The following SEC14L5 variants were observed in gnomAD, a reference collection of about 807,000 sequenced individuals.
SEC14L5 encodes the protein SEC14 like lipid binding 5, also known as SEC14-like protein 5.
In SEC14L5, 96 loss-of-function variants were observed where a neutral mutation model predicts 84.6. That is an observed-to-expected ratio of 1.13 (90% CI 0.96 to 1.34). The LOEUF (loss-of-function observed/expected upper bound fraction) is 1.34. SEC14L5 is among the 40% of genes most tolerant of loss of function. The pLI is 0.00. For missense variants in SEC14L5, 1,224 were observed against 942.5 expected, an observed-to-expected ratio of 1.30 and a Z score of -3.91; for synonymous variants, 546 against 383.4, an observed-to-expected ratio of 1.42 and a Z score of -4.95.
chr16:5,013,549 GCTTTTTTTTTTTT>G (rs899768661), intron 15 of SEC14L5, among the ~76,000 whole-genome samples: 2 of 86,682 alleles, frequency 2.3e-5, no homozygotes, highest in African/African-American at 8.1e-5. Flanking sequence ...AGCTTGCCTG[GCTTTTTTTTTTTT>G]TTTTTTTTTT....
chr16:4,959,782 G>A (rs1258859981), intron 2 of SEC14L5, among the ~76,000 whole-genome samples: 1 of 152,158 alleles, frequency 6.6e-6, no homozygotes, highest in Middle Eastern at 3.2e-3. Context: ...AACAGATGAT[G>A]TTTCTTCCAA....
chr16:4,992,391 C>T, intron 6 of SEC14L5, among the ~76,000 whole-genome samples: 1 of 152,222 alleles, frequency 6.6e-6, no homozygotes, highest in Non-Finnish European at 1.5e-5. Context: ...GCTGGGATTA[C>T]AGGCATCTGC....
rs77574455 is a variant in SEC14L5 at position 4,982,774 on chromosome 16, G to A, written c.64-4783G>A. On this transcript the variant is annotated intron_variant, in intron 2 of 15. Coordinates refer to ENST00000251170, the MANE Select transcript of SEC14L5 (RefSeq NM_014692.2). ...TCTCAGGACGACTGTGTGCAACAGG[G>A]CACTGAGAGGTTAAGTAACCCACCC... 8.4e-3 allele frequency among the ~76,000 whole-genome samples: 1,273 copies of A among 152,278 alleles called. 16 individuals are homozygous for A. Among genetic ancestry groups the A allele is most frequent in the African/African-American group, 0.029 (1,217 of 41,552 alleles).
At chr16:5,012,678 G>C (rs917546003) in intron 15 of SEC14L5, among the ~76,000 whole-genome samples, 1 of 152,252 alleles carries the variant, frequency 6.6e-6, no homozygotes, top group Non-Finnish European at 1.5e-5. Context: ...GCCGAGGTGG[G>C]TGGATCATCT....
At chr16:4,973,859 T>G (rs926958018) in intron 2 of SEC14L5, among the ~76,000 whole-genome samples, 1 of 151,924 alleles carries the variant, frequency 6.6e-6, no homozygotes, top group East Asian at 1.9e-4. Flanking sequence ...ATGTTTTGTA[T>G]TTTTAGTAGA....
intron 2 of SEC14L5, among the ~76,000 whole-genome samples, chr16:4,968,927 G>T (rs142690255): frequency 3.9e-5 from 6 of 152,372 alleles, no homozygotes; most frequent in African/African-American, 1.4e-4. Flanking sequence ...TTTAGCCAAT[G>T]CGTTATTAAT....
chr16:4,969,920 C>T (rs1286429419), intron 2 of SEC14L5, among the ~76,000 whole-genome samples: 1 of 151,630 alleles, frequency 6.6e-6, no homozygotes, highest in Non-Finnish European at 1.5e-5. Flanking sequence ...CAGGCTCAAG[C>T]GATTGTCCCA....
rs994488778 is a variant in SEC14L5, at chr16:4,965,685, A to T, written c.63+6299A>T. On this transcript the variant is annotated intron_variant, in intron 2 of 15. Transcript: ENST00000251170. ...CAAAAAAAAAAAAAAAAAAAAAAAA[A>T]AAAAGAAATCTCTATTGTGAATGGT... 1.1e-4 allele frequency among the ~76,000 whole-genome samples: 17 copies of T among 150,962 alleles called. No individual in the cohort carries two copies. In the East Asian group the frequency reaches 3.1e-3, roughly 28 times the overall value.
chr16:4,961,451 C>T (rs1177788141), intron 2 of SEC14L5, among the ~76,000 whole-genome samples: 1 of 152,148 alleles, frequency 6.6e-6, no homozygotes, highest in African/African-American at 2.4e-5. Flanking sequence ...GCCTCAGCCC[C>T]CTGAGTAGCT....
chr16:5,010,123 A>C (rs761184231), intron 14 of SEC14L5, among the ~76,000 whole-genome samples: 13 of 145,890 alleles, frequency 8.9e-5, no homozygotes, highest in Non-Finnish European at 4.5e-5. Context: ...CAGGTGAATC[A>C]TCTGAAGTCA....
intron 12 of SEC14L5, among the ~76,000 whole-genome samples, chr16:5,006,746 T>C (rs1383919004): frequency 2.0e-5 from 3 of 152,242 alleles, no homozygotes; most frequent in Non-Finnish European, 4.4e-5. Flanking sequence ...ACACGACTTA[T>C]TTTTAGCAAA....
intron 6 of SEC14L5, among the ~76,000 whole-genome samples, chr16:4,993,113 T>C (rs61695298): frequency 0.17 from 25,844 of 152,094 alleles, 2,394 homozygotes; most frequent in Middle Eastern, 0.22. Context: ...TGCAATCGTG[T>C]CTCTCTGTAA....
At chr16:5,006,514 T>G (rs758622044) in intron 12 of SEC14L5, among the ~76,000 whole-genome samples, 22 of 152,126 alleles carry the variant, frequency 1.4e-4, no homozygotes, top group Admixed American at 4.6e-4. Flanking sequence ...AGGGAGGCAG[T>G]GTCCAGGCCC....
At chr16:4,978,747 C>CATGCACCAGCACGTCTA (rs1955381254) in intron 2 of SEC14L5, among the ~76,000 whole-genome samples, 1 of 151,502 alleles carries the variant, frequency 6.6e-6, no homozygotes, top group Admixed American at 6.6e-5. Context: ...GAACTACAGG[C>CATGCACCAGCACGTCTA]GCCTGCCACC....
At chr16:4,962,463 G>T (rs773689665) in intron 2 of SEC14L5, among the ~76,000 whole-genome samples, 1 of 151,998 alleles carries the variant, frequency 6.6e-6, no homozygotes. Flanking sequence ...TAAGGCGGGC[G>T]GACCACCTCA....
intron 2 of SEC14L5, among the ~76,000 whole-genome samples, chr16:4,979,927 C>T (rs1482987901): frequency 3.3e-5 from 5 of 152,206 alleles, no homozygotes; most frequent in Admixed American, 6.5e-5. Flanking sequence ...CCCTGCTTTG[C>T]GAGTTACAGG....
At position 4,996,455 on chromosome 16, in the gene SEC14L5, G is replaced by A; in HGVS notation, c.775G>A (p.Gly259Ser). ...LRHWLQETHK[G>S]KIPKDEHILR... ...GCACTGGTTACAGGAGACCCACAAA[G>A]GCAAGGTGGGTGCAGGGGGTACCCT... is the stretch of plus-strand genomic sequence containing the variant. Residue 259 changes from glycine to serine, a missense_variant, in exon 7 of 16, where the codon GGC becomes AGC. Gly to Ser is a moderately conservative substitution (Grantham distance 56). Transcript: ENST00000251170. 1 of 1,556,444 alleles carries A rather than the reference G, an allele frequency of 6.4e-7. No individual in the cohort carries two copies. Among genetic ancestry groups the A allele is most frequent in the Non-Finnish European group, 8.7e-7 (1 of 1,147,732 alleles).
chr16:4,985,010 G>A (rs1162550294), intron 2 of SEC14L5, among the ~76,000 whole-genome samples: 1 of 151,740 alleles, frequency 6.6e-6, no homozygotes, highest in African/African-American at 2.4e-5. Context: ...CCATTCTCTG[G>A]GTTACCTTTT....
At chr16:4,998,941 C>G (rs148501666) in intron 8 of SEC14L5, among the ~76,000 whole-genome samples, 115 of 152,252 alleles carry the variant, frequency 7.6e-4, no homozygotes, top group Admixed American at 1.9e-3. Context: ...CTTTTTCAGT[C>G]ATGCTGAGAC....
Sources: allele counts gnomAD v4.1 joint callset (sites outside exome capture counted in the v4.1 genomes callset), GRCh38; gene constraint gnomAD v4.1.1; transcripts MANE v1.5; gene names NCBI Gene and HGNC (gene_info 2026-07-23, HGNC 2026-07-21).